The following PLAT variants were observed in gnomAD, a reference collection of about 807,000 sequenced individuals.
PLAT encodes plasminogen activator, tissue type, also known as tissue-type plasminogen activator.
In PLAT, 48 loss-of-function variants were observed where a neutral mutation model predicts 74.9. The ratio of observed to expected loss-of-function variants is 0.64; its 90% CI spans 0.51 to 0.82. The LOEUF (loss-of-function observed/expected upper bound fraction) is 0.82, where lower values mean the gene tolerates loss of function less well. Ranked by LOEUF, PLAT falls within the 40% of genes least tolerant of loss-of-function variation. The pLI is 0.00. For synonymous variants in PLAT, 307 were observed against 294.4 expected (o/e 1.04, Z -0.44); for missense variants, 673 against 736.2 (o/e 0.91, Z 0.99).
intron 12 of PLAT, among the ~76,000 whole-genome samples, 176 bp downstream of exon 12, chr8:42,179,750 T>C (rs963309518): frequency 6.6e-6 from 1 of 152,050 alleles, no homozygotes; most frequent in African/African-American, 2.4e-5. Context: ...GCCTGCAGTG[T>C]CCCTGTGAGG....
At chr8:42,205,331 A>T (rs1806290392) in intron 1 of PLAT, among the ~76,000 whole-genome samples, 2 of 152,226 alleles carry the variant, frequency 1.3e-5, no homozygotes, top group South Asian at 4.1e-4. Context: ...GTTCAAGACC[A>T]GTCTGGCCAA....
chr8:42,188,804 G>A (rs1427487679), intron 4 of PLAT, 130 bp downstream of exon 4: 2 of 726,482 alleles, frequency 2.8e-6, no homozygotes, highest in Non-Finnish European at 4.6e-6. Flanking sequence ...TTTATTTTTT[G>A]TAGAGACAGG....
intron 1 of PLAT, among the ~76,000 whole-genome samples, chr8:42,203,694 G>A (rs1313228296): frequency 2.6e-5 from 4 of 152,140 alleles, no homozygotes; most frequent in African/African-American, 7.2e-5. Flanking sequence ...ACTGGGCACA[G>A]TGGCTCTTGC....
At chr8:42,205,711 G>A (rs1398056749) in intron 1 of PLAT, among the ~76,000 whole-genome samples, 1 of 152,122 alleles carries the variant, frequency 6.6e-6, no homozygotes, top group East Asian at 1.9e-4. Context: ...AGACCGAACC[G>A]GTGCACATCT....
intron 6 of PLAT, 141 bp downstream of exon 6, chr8:42,187,257 A>G (rs190491778): frequency 8.2e-6 from 5 of 612,594 alleles, no homozygotes; most frequent in African/African-American, 7.3e-5. Context: ...CCTATCATCT[A>G]TTATCTGTCT....
intron 3 of PLAT, among the ~76,000 whole-genome samples, chr8:42,189,844 C>T (rs1805618736): frequency 1.3e-5 from 2 of 151,962 alleles, no homozygotes; most frequent in South Asian, 2.1e-4. Flanking sequence ...AGTGATCCAC[C>T]CACCTCGGTC....
chr8:42,179,222 A>G (rs1805109945), intron 12 of PLAT, among the ~76,000 whole-genome samples, 159 bp from the exon 13 acceptor site: 1 of 152,220 alleles, frequency 6.6e-6, no homozygotes, highest in Non-Finnish European at 1.5e-5. Context: ...GTTTTGACCC[A>G]CAAAAACAGC....
intron 13 of PLAT, among the ~76,000 whole-genome samples, chr8:42,176,965 T>G (rs1413310942): frequency 6.6e-6 from 1 of 150,704 alleles, no homozygotes. Context: ...TCACTCTTCT[T>G]TTTTTGTTTT....
intron 12 of PLAT, among the ~76,000 whole-genome samples, chr8:42,179,600 C>G (rs1430001313): frequency 2.6e-5 from 4 of 152,228 alleles, no homozygotes; most frequent in Admixed American, 6.5e-5. Context: ...CACAGCTCAG[C>G]AAGTGGGATT....
rs78589249 is a variant in PLAT, at chr8:42,206,389, G to A, written c.-27+1105C>T. Among the ~76,000 whole-genome samples, 885 of 152,274 alleles carry A rather than the reference G, an allele frequency of 5.8e-3. 6 individuals are homozygous for A. Among genetic ancestry groups the A allele is most frequent in the Non-Finnish European group, 7.7e-3 (522 of 68,030 alleles). On this transcript the variant is annotated intron_variant, in intron 1 of 13. Coordinates refer to ENST00000220809, the MANE Select transcript of PLAT (RefSeq NM_000930.5). ...ACGCACCCAGCAGCTCATGCTGACC[G>A]TCATGGATTGAGTCTAGATCCCAGA...
At chr8:42,178,361 C>T (rs1234444914) in intron 13 of PLAT, among the ~76,000 whole-genome samples, 1 of 151,704 alleles carries the variant, frequency 6.6e-6, no homozygotes, top group East Asian at 1.9e-4. Context: ...ACCTCTGCCT[C>T]CCGGGTTCAA....
chr8:42,200,845 T>C (rs1399179861), intron 1 of PLAT, among the ~76,000 whole-genome samples: 1 of 151,926 alleles, frequency 6.6e-6, no homozygotes, highest in African/African-American at 2.4e-5. Context: ...TTTTTTTTTT[T>C]CTGAGATGGA....
chr8:42,187,929 A>T lies in PLAT; in HGVS notation c.341T>A (p.Phe114Tyr). 6.2e-7 allele frequency: 1 copy of T among 1,612,136 alleles called. No individual in the cohort carries two copies. Among genetic ancestry groups the T allele is most frequent in the East Asian group, 2.2e-5 (1 of 44,876 alleles). ...SDFVCQCPEG[F>Y]AGKCCEIDTR... is the part of the protein sequence containing the mutation. The stretch of plus-strand genomic sequence containing the variant: ...ACCTATTTCACAGCACTTCCCAGCA[A>T]ATCCTTCGGGGCACTGGCACACGAA... Residue 114 changes from phenylalanine (F) to tyrosine (Y), a missense_variant, in exon 5 of 14, where the codon TTT (phenylalanine) becomes TAT (tyrosine). By Grantham distance (22) the Phe-to-Tyr change is conservative (BLOSUM62 3). Transcript: ENST00000220809.
At position 42,180,005 on chromosome 8, in the gene PLAT, A is replaced by C. The variant is rs1056824498; in HGVS notation, c.1284T>G (p.Thr428=). 1 of 1,609,884 alleles carries C rather than the reference A, an allele frequency of 6.2e-7. No homozygotes were observed. Among genetic ancestry groups the C allele is most frequent in the Admixed American group, 1.7e-5 (1 of 59,374 alleles). ...RCAQESSVVR[T]VCLPPADLQL... ...GCAGGTCCGCCGGGGGAAGGCACAC[A>C]GTGCGGACCACGCTGCTCTCCTGGG... The change falls in exon 12 of 14, where the codon ACT becomes ACG. Residue 428 remains threonine (T), a synonymous_variant. Transcript: ENST00000220809.
At chr8:42,203,272 C>T (rs1055562027) in intron 1 of PLAT, among the ~76,000 whole-genome samples, 5 of 152,194 alleles carry the variant, frequency 3.3e-5, no homozygotes, top group Admixed American at 3.3e-4. Flanking sequence ...AAAAAAACTT[C>T]CCTAAGCCAC....
In PLAT at chr8:42,178,923, G is replaced by T; in HGVS notation, c.1504C>A (p.Gln502Lys). Residue 502 changes from glutamine to lysine, a missense_variant, in exon 13 of 14, where the codon CAG becomes AAG. Coordinates refer to ENST00000220809, the MANE Select transcript of PLAT (RefSeq NM_000930.5). ...CAGDTRSGGP[Q>K]ANLHDACQGD... ...TGGCAGGCGTCGTGCAAGTTTGCCT[G>T]GGGCCCGCCGCTCCGAGTGTCTCCA... 1 of 1,613,688 alleles carries T rather than the reference G, an allele frequency of 6.2e-7. No individual in the cohort carries two copies. Among genetic ancestry groups the T allele is most frequent in the Middle Eastern group, 1.8e-4 (1 of 5,712 alleles).
rs765207635 is a variant in PLAT at position 42,191,371 on chromosome 8, C to T, written c.115+1G>A. On this transcript the variant is annotated splice_donor_variant, in intron 3 of 13. Transcript: ENST00000220809. LOFTEE classifies it high-confidence loss of function. ...CCATGCACCCCTCAGCTTCACCCGA[C>T]CTTGGTAAGATCTGGCTCCTCTTCT... 1 of 1,614,010 alleles carries T rather than the reference C, an allele frequency of 6.2e-7. No homozygotes were observed. Among genetic ancestry groups the T allele is most frequent in the Non-Finnish European group, 8.5e-7 (1 of 1,179,858 alleles).
At chr8:42,189,184 A>G in intron 3 of PLAT, 113 bp from the exon 4 acceptor site, 2 of 1,006,142 alleles carry the variant, frequency 2.0e-6, no homozygotes, top group Non-Finnish European at 3.0e-6. Flanking sequence ...ACTCCATTGC[A>G]TACTCCCTTA....
At chr8:42,204,010 C>T (rs1191250213) in intron 1 of PLAT, among the ~76,000 whole-genome samples, 2 of 137,360 alleles carry the variant, frequency 1.5e-5, no homozygotes, top group African/African-American at 3.0e-5. Context: ...CACACACACA[C>T]ACACACACAC....
Sources: allele counts gnomAD v4.1 joint callset (sites outside exome capture counted in the v4.1 genomes callset), GRCh38; gene constraint gnomAD v4.1.1; transcripts MANE v1.5; gene names NCBI Gene and HGNC (gene_info 2026-07-23, HGNC 2026-07-21).